SGCZ: variants seen among roughly 807,000 people sequenced by gnomAD.
SGCZ encodes sarcoglycan zeta, also known as zeta-sarcoglycan.
In SGCZ, 40 loss-of-function variants were observed where a neutral mutation model predicts 41.3. That is an observed-to-expected ratio of 0.97 (90% CI 0.75 to 1.26). The LOEUF (loss-of-function observed/expected upper bound fraction) is 1.26. Among genes scored for constraint, SGCZ ranks in the 50% most tolerant of loss-of-function variants. SGCZ has a pLI of 0.00. For missense variants in SGCZ, 552 were observed against 369.8 expected, an observed-to-expected ratio of 1.49 and a Z score of -4.04; for synonymous variants, 206 against 137.5, an observed-to-expected ratio of 1.50 and a Z score of -3.49.
chr8:14,134,006 A>C (rs1365946279), intron 5 of SGCZ, among the ~76,000 whole-genome samples: 1 of 152,226 alleles, frequency 6.6e-6, no homozygotes, highest in Non-Finnish European at 1.5e-5. Context: ...ACCAGAATTC[A>C]GTACATGAAT....
At chr8:14,256,105 G>A (rs35212565) in intron 3 of SGCZ, among the ~76,000 whole-genome samples, 1 of 151,860 alleles carries the variant, frequency 6.6e-6, no homozygotes, top group Non-Finnish European at 1.5e-5. Context: ...TATATTTTAG[G>A]AAAAGCTGGG....
chr8:15,119,840 C>G (rs1807411712), intron 1 of SGCZ, among the ~76,000 whole-genome samples: 1 of 152,130 alleles, frequency 6.6e-6, no homozygotes. Context: ...GAGACAGTCT[C>G]GCTCTGTTGA....
At chr8:14,253,310 GT>G (rs1585283497) in intron 3 of SGCZ, among the ~76,000 whole-genome samples, 3 of 151,050 alleles carry the variant, frequency 2.0e-5, no homozygotes, top group Non-Finnish European at 4.4e-5. Flanking sequence ...TTTAATTTTT[GT>G]TTATGAATTG....
intron 2 of SGCZ, among the ~76,000 whole-genome samples, chr8:14,473,778 AT>A (rs1801278910): frequency 1.3e-5 from 2 of 151,994 alleles, no homozygotes; most frequent in Admixed American, 1.3e-4. Flanking sequence ...TCTACTAAAA[AT>A]ACAAAAAAAT....
intron 2 of SGCZ, among the ~76,000 whole-genome samples, chr8:14,539,203 G>C (rs962469055): frequency 6.6e-6 from 1 of 151,940 alleles, no homozygotes; most frequent in Admixed American, 6.6e-5. Context: ...TCTTCCCTGG[G>C]CCTCCCGCCA....
chr8:15,023,819 T>C (rs554485501), intron 1 of SGCZ, among the ~76,000 whole-genome samples: 17 of 152,242 alleles, frequency 1.1e-4, no homozygotes, highest in African/African-American at 3.6e-4. Context: ...TGCCAGGATA[T>C]AAAACACTAA....
chr8:14,480,425 C>T (rs1234069051), intron 2 of SGCZ, among the ~76,000 whole-genome samples: 1 of 152,092 alleles, frequency 6.6e-6, no homozygotes, highest in Admixed American at 6.6e-5. Flanking sequence ...CCTTATCTCC[C>T]CACAAAATTT....
At chr8:14,897,655 C>T (rs148433888) in intron 1 of SGCZ, among the ~76,000 whole-genome samples, 329 of 152,320 alleles carry the variant, frequency 2.2e-3, no homozygotes, top group Non-Finnish European at 4.0e-3. Context: ...AGGCATAATT[C>T]ATATGTCCCT....
intron 1 of SGCZ, among the ~76,000 whole-genome samples, chr8:14,595,340 G>C (rs574380615): frequency 1.3e-5 from 2 of 151,478 alleles, no homozygotes; most frequent in Admixed American, 1.3e-4. Context: ...CAAAACAAGT[G>C]CATATGTATC....
intron 4 of SGCZ, among the ~76,000 whole-genome samples, chr8:14,183,219 C>G (rs957087481): frequency 1.3e-5 from 2 of 151,754 alleles, no homozygotes; most frequent in Non-Finnish European, 2.9e-5. Flanking sequence ...TTGACTTAAT[C>G]AGAAATAGAA....
rs565908980 is a variant in SGCZ at position 15,069,468 on chromosome 8, T to C, written c.39+168117A>G. Among the ~76,000 whole-genome samples, 3 of 152,318 alleles carry C rather than the reference T, an allele frequency of 2.0e-5. No individual in the cohort carries two copies. The East Asian group carries it at 5.8e-4, about 29-fold the overall frequency. On this transcript the variant is annotated intron_variant, in intron 1 of 7. Coordinates refer to ENST00000382080, the MANE Select transcript of SGCZ (RefSeq NM_139167.4). ...TGAGTATACCTCAAGATTTTCAAGATCTTATAGCAGTGGAATTTGCTTTCA... is the reference window on the plus strand; with the variant it reads ...TGAGTATACCTCAAGATTTTCAAGACCTTATAGCAGTGGAATTTGCTTTCA...
chr8:14,251,633 A>T (rs930559143), intron 3 of SGCZ, among the ~76,000 whole-genome samples: 1 of 152,212 alleles, frequency 6.6e-6, no homozygotes, highest in African/African-American at 2.4e-5. Flanking sequence ...CATTTTCAAA[A>T]CAATTCTAGT....
intron 1 of SGCZ, among the ~76,000 whole-genome samples, chr8:14,641,915 A>C (rs1006699850): frequency 6.6e-6 from 1 of 151,696 alleles, no homozygotes; most frequent in Non-Finnish European, 1.5e-5. Context: ...AGAGTGACTA[A>C]GATGATGCTG....
chr8:15,217,579 C>T (rs569364298), intron 1 of SGCZ, among the ~76,000 whole-genome samples: 4 of 152,040 alleles, frequency 2.6e-5, no homozygotes, highest in East Asian at 1.9e-4. Flanking sequence ...TTCTTGCCCC[C>T]CCTTGTCCCA....
chr8:15,053,089 T>C (rs990514911), intron 1 of SGCZ, among the ~76,000 whole-genome samples: 2 of 152,140 alleles, frequency 1.3e-5, no homozygotes, highest in African/African-American at 4.8e-5. Context: ...ACTGAGCTCC[T>C]ACCTTGACCT....
At chr8:15,155,371 T>C (rs1405915595) in intron 1 of SGCZ, among the ~76,000 whole-genome samples, 3 of 152,212 alleles carry the variant, frequency 2.0e-5, no homozygotes, top group African/African-American at 7.2e-5. Context: ...TTATACATTG[T>C]ATGCATGTAT....
chr8:15,110,672 G>A (rs186430613), intron 1 of SGCZ, among the ~76,000 whole-genome samples: 5 of 152,224 alleles, frequency 3.3e-5, no homozygotes, highest in South Asian at 2.1e-4. Context: ...ACCTTCATAC[G>A]AAAGTTTTTA....
chr8:14,377,650 G>A (rs1020476476), intron 2 of SGCZ, among the ~76,000 whole-genome samples: 2 of 151,720 alleles, frequency 1.3e-5, no homozygotes, highest in Non-Finnish European at 2.9e-5. Flanking sequence ...TCTAGCATTA[G>A]GTATATCTCC....
chr8:14,425,279 A>G (rs910351824), intron 2 of SGCZ, among the ~76,000 whole-genome samples: 4 of 152,180 alleles, frequency 2.6e-5, no homozygotes, highest in Non-Finnish European at 4.4e-5. Flanking sequence ...GACAGGTGAT[A>G]TAATTCCAAT....
Sources: gnomAD v4.1 joint callset for allele counts (sites outside exome capture counted in the v4.1 genomes callset) on GRCh38, gnomAD v4.1.1 for gene constraint, MANE v1.5 for transcripts, NCBI Gene and HGNC (gene_info 2026-07-23, HGNC 2026-07-21) for gene names.